The following SEC23B variants were observed in gnomAD, a reference collection of about 807,000 sequenced individuals.
SEC23B encodes the protein protein transport protein Sec23B.
A neutral mutation model predicts 104.3 loss-of-function variants in SEC23B; 77 were observed. The observed-to-expected ratio is 0.74, with a 90% confidence interval of 0.61 to 0.89. SEC23B has a LOEUF of 0.89. SEC23B is among the 40% of genes least tolerant of loss of function. SEC23B has a pLI of 0.00. For synonymous variants in SEC23B, 338 were observed against 332.5 expected, an observed-to-expected ratio of 1.02 and a Z score of -0.18; for missense variants, 885 against 949.4, an observed-to-expected ratio of 0.93 and a Z score of 0.89.
At chr20:18,509,364 G>A (rs1441986999) in intron 1 of SEC23B, among the ~76,000 whole-genome samples, 1 of 152,194 alleles carries the variant, frequency 6.6e-6, no homozygotes, top group African/African-American at 2.4e-5. Flanking sequence ...ATAACAGACA[G>A]TTGTTATCCA....
intron 4 of SEC23B, among the ~76,000 whole-genome samples, chr20:18,520,417 G>A (rs2148893748): frequency 6.6e-6 from 1 of 151,446 alleles, no homozygotes; most frequent in African/African-American, 2.4e-5. Flanking sequence ...GCCAGAGAGA[G>A]TGGAGGTATC....
intron 4 of SEC23B, among the ~76,000 whole-genome samples, chr20:18,516,767 A>G (rs762025916): frequency 2.0e-5 from 3 of 151,800 alleles, no homozygotes; most frequent in Non-Finnish European, 4.4e-5. Context: ...GTTAGCCAGG[A>G]TGGTCTCGTT....
chr20:18,555,543 T>C (rs902351283), intron 19 of SEC23B, among the ~76,000 whole-genome samples: 2 of 152,026 alleles, frequency 1.3e-5, no homozygotes, highest in Non-Finnish European at 2.9e-5. Context: ...CCTCCTCACT[T>C]TCCAGCCTAA....
At chr20:18,558,445 G>T (rs1450900233) in intron 19 of SEC23B, among the ~76,000 whole-genome samples, 2 of 152,116 alleles carry the variant, frequency 1.3e-5, no homozygotes, top group African/African-American at 2.4e-5. Context: ...GCTTCTGTAG[G>T]TTTCTATCTC....
chr20:18,531,171 C>T (rs543261872), intron 10 of SEC23B, among the ~76,000 whole-genome samples: 1 of 152,200 alleles, frequency 6.6e-6, no homozygotes, highest in African/African-American at 2.4e-5. Context: ...CCCTCAGGCT[C>T]TGCTCCACCC....
intron 6 of SEC23B, 33 bp downstream of exon 6, chr20:18,525,053 G>T (rs760262990): frequency 6.4e-7 from 1 of 1,565,272 alleles, no homozygotes; most frequent in South Asian, 1.1e-5. Flanking sequence ...TACACGTATT[G>T]TGATGGACAT....
Position 18,524,605 on chromosome 20 carries a change from G to C in SEC23B, c.539G>C (p.Cys180Ser), listed in dbSNP as rs765842157. ...ATGGTGCAGGTTCATGAGCTAAGCTGTGAAGGAATCTCCAAAAGTTATGTC... is the reference window on the plus strand; with the variant it reads ...ATGGTGCAGGTTCATGAGCTAAGCTCTGAAGGAATCTCCAAAAGTTATGTC... ...GRMVQVHELSCEGISKSYVFR... is the reference protein window; with the variant it reads ...GRMVQVHELSSEGISKSYVFR... The change falls in exon 5 of 20, where the codon TGT becomes TCT. Residue 180 changes from cysteine (C) to serine (S), a missense_variant. By Grantham distance (112) the Cys-to-Ser change is moderately radical. Transcript: ENST00000650089. 6.2e-7 allele frequency: 1 copy of C among 1,614,238 alleles called. No individual in the cohort carries two copies. Among genetic ancestry groups the C allele is most frequent in the Non-Finnish European group, 8.5e-7 (1 of 1,180,048 alleles).
At chr20:18,547,918 T>TC (rs1427701921) in intron 15 of SEC23B, among the ~76,000 whole-genome samples, 1 of 1,164 alleles carries the variant, frequency 8.6e-4, no homozygotes, top group Non-Finnish European at 2.1e-3. Context: ...GAGGCCCTTT[T>TC]CTTAAAAAAA....
intron 1 of SEC23B, 60 bp from the exon 2 acceptor site, chr20:18,510,762 T>C: frequency 7.5e-7 from 1 of 1,341,942 alleles, no homozygotes; most frequent in Non-Finnish European, 1.1e-6. Context: ...CCATCTTCTT[T>C]TTTTGACATT....
chr20:18,560,281 C>T (rs910953176), intron 19 of SEC23B, among the ~76,000 whole-genome samples: 2 of 152,100 alleles, frequency 1.3e-5, no homozygotes, highest in African/African-American at 4.8e-5. Context: ...ACACCATTAT[C>T]CAGCTTCTGT....
At chr20:18,541,608 G>A (rs937286165) in intron 12 of SEC23B, among the ~76,000 whole-genome samples, 2 of 152,220 alleles carry the variant, frequency 1.3e-5, no homozygotes, top group African/African-American at 4.8e-5. Context: ...AGAGATGAGG[G>A]AAAGGTCAGT....
intron 4 of SEC23B, 113 bp from the exon 5 acceptor site, chr20:18,524,320 C>T (rs2060113723): frequency 2.5e-6 from 2 of 809,212 alleles, no homozygotes; most frequent in African/African-American, 3.4e-5. Context: ...GTCCTTATCT[C>T]CTAAAACTAA....
chr20:18,542,451 C>G, intron 13 of SEC23B, 49 bp downstream of exon 13: 1 of 1,463,574 alleles, frequency 6.8e-7, no homozygotes, highest in South Asian at 1.1e-5. Context: ...TGACATTTTT[C>G]CCTTGAAGAG....
At chr20:18,550,956 C>T (rs1443977021) in intron 16 of SEC23B, 133 bp from the exon 17 acceptor site, 32 of 719,534 alleles carry the variant, frequency 4.4e-5, no homozygotes, top group Middle Eastern at 4.7e-4. Context: ...AAAGGGGTGA[C>T]TTACTGTGCT....
chr20:18,539,844 C>T (rs1045517747), intron 12 of SEC23B, among the ~76,000 whole-genome samples: 17 of 151,430 alleles, frequency 1.1e-4, no homozygotes, highest in African/African-American at 3.6e-4. Context: ...GGGGTTTCAC[C>T]GTGTTGTCCT....
Position 18,555,127 on chromosome 20 carries a change from A to G in SEC23B, c.2168A>G (p.Lys723Arg), listed in dbSNP as rs547193595. The G allele has an allele frequency of 1.2e-6, 2 of 1,613,900 alleles. No individual in the cohort carries two copies. Among genetic ancestry groups the G allele is most frequent in the African/African-American group, 1.3e-5 (1 of 75,020 alleles). ...GGSQARFLLS[K>R]VNPSQTHNNL... The stretch of plus-strand genomic sequence containing the variant: ...TTAAAGGCTCGATTCCTTTTGTCCA[A>G]AGTGAACCCATCTCAGACACACAAT... Residue 723 changes from lysine (K) to arginine (R), a missense_variant, in exon 19 of 20, where the codon AAA (lysine) becomes AGA (arginine). Physicochemically the swap from Lys to Arg is conservative, Grantham distance 26. Transcript: ENST00000650089.
rs138857426 is a variant in SEC23B, at chr20:18,509,151, A to G, written c.-15+1179A>G. ...TTTAGTTATCCCTTTGCTTCCCATG[A>G]AGCTCCAGAGTGCTTCCTGTGCACA... On this transcript the variant is annotated intron_variant, in intron 1 of 19. Coordinates refer to ENST00000650089, the MANE Select transcript of SEC23B (RefSeq NM_006363.6). Among the ~76,000 whole-genome samples the G allele has an allele frequency of 4.8e-3, 735 of 152,308 alleles. 7 individuals are homozygous for G. Among genetic ancestry groups the G allele is most frequent in the African/African-American group, 0.017 (700 of 41,568 alleles).
chr20:18,518,584 T>TTTTTTG (rs1253973550), intron 4 of SEC23B, among the ~76,000 whole-genome samples: 1 of 54,842 alleles, frequency 1.8e-5, no homozygotes, highest in Non-Finnish European at 5.3e-5. Flanking sequence ...GGAAGGAGGT[T>TTTTTTG]TTTTTTTTTT....
chr20:18,508,716 C>CTGTTT (rs2059954473), intron 1 of SEC23B, among the ~76,000 whole-genome samples: 1 of 97,482 alleles, frequency 1.0e-5, no homozygotes, highest in Non-Finnish European at 1.9e-5. Flanking sequence ...GCAGTAGCTT[C>CTGTTT]TTTTTTTTTT....
Sources: allele counts gnomAD v4.1 joint callset (sites outside exome capture counted in the v4.1 genomes callset), GRCh38; gene constraint gnomAD v4.1.1; transcripts MANE v1.5; gene names NCBI Gene and HGNC (gene_info 2026-07-23, HGNC 2026-07-21).